Variants in PRH1 observed in about 807,000 individuals in gnomAD.
PRH1 encodes salivary acidic proline-rich phosphoprotein 1/2.
Under a neutral mutation model 7.9 loss-of-function variants are expected in PRH1, and 7 were observed. That is an observed-to-expected ratio of 0.89 (90% CI 0.50 to 1.67). The LOEUF is 1.67. Among genes scored for constraint, PRH1 ranks in the 40% most tolerant of loss-of-function variants. PRH1 has a pLI of 0.00. For missense variants in PRH1, 109 were observed against 223.6 expected (o/e 0.49, Z 3.27); for synonymous variants, 45 against 80.8 (o/e 0.56, Z 2.38).
At chr12:10,881,567 T>C (rs1470801152) in intron 3 of PRH1, among the ~76,000 whole-genome samples, 2 of 152,168 alleles carry the variant, frequency 1.3e-5, no homozygotes, top group Non-Finnish European at 2.9e-5. Context: ...GAATATACAG[T>C]ATGGTATAAG....
chr12:11,145,514 T>C (rs1056956517), intron 1 of PRH1, among the ~76,000 whole-genome samples: 2 of 152,124 alleles, frequency 1.3e-5, no homozygotes, highest in Admixed American at 6.6e-5. Context: ...AAAAATGAAA[T>C]TGTTCCTCAC....
chr12:10,907,369 T>A (rs7308212), intron 2 of PRH1, among the ~76,000 whole-genome samples: 1 of 152,098 alleles, frequency 6.6e-6, no homozygotes, highest in East Asian at 1.9e-4. Context: ...GAAAGAGAAA[T>A]TTTTTAATGT....
At chr12:11,074,629 G>T (rs1376627020) in intron 1 of PRH1, among the ~76,000 whole-genome samples, 1 of 114,774 alleles carries the variant, frequency 8.7e-6, no homozygotes, top group East Asian at 2.1e-4. Context: ...TAGGGAAAGG[G>T]GCGAGGAAAA....
Position 11,133,253 on chromosome 12 carries a change from A to C in PRH1, n.40-12073T>G, listed in dbSNP as rs532995369. ...TACAGAAAACCCAGTAAGAAATATA[A>C]AATGTTTCATACACCACCAGTTTGT... On this transcript the variant is annotated intron_variant and non_coding_transcript_variant, in intron 1 of 1. Transcript: ENST00000541175. 5.8e-6 allele frequency: 9 copies of C among 1,554,836 alleles called. No homozygotes were observed. In the African/African-American group the frequency reaches 1.2e-4, roughly 21 times the overall value.
intron 1 of PRH1, chr12:11,097,203 T>A: frequency 4.1e-6 from 1 of 242,530 alleles, no homozygotes. Context: ...ATGAAGGACA[T>A]CTGATATAAG....
chr12:10,973,175 A>T (rs1270427172), intron 2 of PRH1: 1 of 152,086 alleles, frequency 6.6e-6, no homozygotes, highest in Non-Finnish European at 1.5e-5. Context: ...AAAAATATTA[A>T]GCAATTTTGT....
intron 1 of PRH1, among the ~76,000 whole-genome samples, chr12:11,152,087 T>C (rs910467085): frequency 6.6e-6 from 1 of 152,010 alleles, no homozygotes; most frequent in African/African-American, 2.4e-5. Flanking sequence ...CTTCTTTTTT[T>C]AATTATTATT....
intron 1 of PRH1, chr12:11,030,946 C>G: frequency 6.2e-7 from 1 of 1,614,266 alleles, no homozygotes; most frequent in East Asian, 2.2e-5. Context: ...ACAGCATCAC[C>G]AGAATGACAC....
At chr12:11,110,660 A>G (rs1945563350) in intron 1 of PRH1, among the ~76,000 whole-genome samples, 1 of 152,224 alleles carries the variant, frequency 6.6e-6, no homozygotes, top group South Asian at 2.1e-4. Flanking sequence ...CAAGCACTAA[A>G]TGTGGAAAGG....
At chr12:11,104,336 T>C (rs779600375) in intron 1 of PRH1, among the ~76,000 whole-genome samples, 1 of 152,184 alleles carries the variant, frequency 6.6e-6, no homozygotes, top group Non-Finnish European at 1.5e-5. Context: ...TGTTTCACTG[T>C]AGGGTTTTAT....
intron 2 of PRH1, among the ~76,000 whole-genome samples, chr12:10,963,022 G>A (rs1185440973): frequency 1.3e-5 from 2 of 152,216 alleles, no homozygotes; most frequent in East Asian, 1.9e-4. Flanking sequence ...CGCCCACCTC[G>A]GCCTCTCAAA....
At position 11,109,905 on chromosome 12, in the gene PRH1, G is replaced by T. The variant is rs368337300; in HGVS notation, n.123+61517C>A. On this transcript the variant is annotated intron_variant and non_coding_transcript_variant, in intron 1 of 4. Coordinates refer to the PRH1 transcript ENST00000541977. The stretch of plus-strand genomic sequence containing the variant: ...GAAGCATGGTCTAACCCAATGCAAG[G>T]GAGCCAAGAACCTTGAAAAAAGGTT... Among the ~76,000 whole-genome samples, 13 of 152,164 alleles carry T rather than the reference G, an allele frequency of 8.5e-5. No homozygotes were observed. The East Asian group carries it at 2.5e-3, about 29-fold the overall frequency.
intron 1 of PRH1, among the ~76,000 whole-genome samples, chr12:10,992,093 C>T (rs1174074102): frequency 6.6e-6 from 1 of 152,044 alleles, no homozygotes; most frequent in Non-Finnish European, 1.5e-5. Flanking sequence ...AATCAAAAAC[C>T]CTTAGCCAGT....
At chr12:11,171,332 C>T in intron 1 of PRH1, 1 of 1,227,984 alleles carries the variant, frequency 8.1e-7, no homozygotes. Flanking sequence ...GCTACAGACG[C>T]TGGGCGGGCG....
At chr12:11,062,533 C>T (rs1239260816) in intron 1 of PRH1, among the ~76,000 whole-genome samples, 2 of 152,002 alleles carry the variant, frequency 1.3e-5, no homozygotes, top group Admixed American at 1.3e-4. Context: ...TCAAATTAAC[C>T]CATTCATTCA....
chr12:10,939,857 T>TA (rs1400918678), intron 2 of PRH1, among the ~76,000 whole-genome samples: 1 of 152,080 alleles, frequency 6.6e-6, no homozygotes. Context: ...ATTCTCACCA[T>TA]AAAAAAATAT....
At chr12:11,111,479 G>C (rs752468930) in intron 1 of PRH1, among the ~76,000 whole-genome samples, 1 of 152,152 alleles carries the variant, frequency 6.6e-6, no homozygotes, top group Non-Finnish European at 1.5e-5. Context: ...AATCAAATTA[G>C]AACTCAGGAT....
intron 1 of PRH1, among the ~76,000 whole-genome samples, chr12:11,147,329 A>G (rs1270458342): frequency 6.6e-6 from 1 of 152,006 alleles, no homozygotes; most frequent in African/African-American, 2.4e-5. Flanking sequence ...CTGTGACTAC[A>G]GGTGTGTGCC....
chr12:10,924,859 AT>A (rs1950103013), intron 2 of PRH1, among the ~76,000 whole-genome samples: 1 of 152,060 alleles, frequency 6.6e-6, no homozygotes, highest in African/African-American at 2.4e-5. Flanking sequence ...CCCCTTTATC[AT>A]TTTTTGGGGG....
Sources: gnomAD v4.1 joint callset for allele counts (sites outside exome capture counted in the v4.1 genomes callset) on GRCh38, gnomAD v4.1.1 for gene constraint, MANE v1.5 for transcripts, NCBI Gene and HGNC (gene_info 2026-07-23, HGNC 2026-07-21) for gene names.